Variants in CCDC7 observed in about 807,000 individuals in gnomAD.
The protein encoded by CCDC7 is coiled-coil domain containing 7.
CCDC7 carries 183 observed loss-of-function variants against 196.9 expected under a neutral mutation model. The observed-to-expected ratio is 0.93, with a 90% CI of 0.82 to 1.05. The LOEUF is 1.05. Ranked by LOEUF, CCDC7 falls within the 50% of genes least tolerant of loss-of-function variation. The pLI is 0.00. For missense variants in CCDC7, 1,540 were observed against 1,482.2 expected (o/e 1.04, Z -0.64); for synonymous variants, 525 against 484.6 (o/e 1.08, Z -1.10).
intron 28 of CCDC7, among the ~76,000 whole-genome samples, chr10:32,749,267 T>G (rs1270750728): frequency 6.6e-6 from 1 of 152,200 alleles, no homozygotes; most frequent in Admixed American, 6.5e-5. Context: ...TTTTTACATG[T>G]TAGACTGGAA....
At chr10:32,596,934 C>CTGTTT (rs2060436479) in intron 18 of CCDC7, among the ~76,000 whole-genome samples, 1 of 151,954 alleles carries the variant, frequency 6.6e-6, no homozygotes, top group African/African-American at 2.4e-5. Flanking sequence ...GGTAACCCGA[C>CTGTTT]CTTTCTGGCT....
chr10:32,825,776 C>T (rs906547578), intron 32 of CCDC7, among the ~76,000 whole-genome samples: 1 of 152,162 alleles, frequency 6.6e-6, no homozygotes, highest in Admixed American at 6.6e-5. Flanking sequence ...CATACACAAG[C>T]TCTTATCATG....
At position 32,714,606 on chromosome 10, in the gene CCDC7, A is replaced by T. The variant is rs191670502; in HGVS notation, c.2569+2876A>T. ...GCCAGGGAGCTGAGTGGTCTTCCTC[A>T]GTGGATCCCACCCTCACAGAGCCCA... On this transcript the variant is annotated intron_variant, in intron 25 of 41. Transcript: ENST00000639629. Among the ~76,000 whole-genome samples the T allele has an allele frequency of 1.6e-3, 242 of 152,288 alleles. 1 individual carries two copies. The highest frequency in any genetic ancestry group is 1.2e-3 in the Non-Finnish European group (81 of 68,030).
chr10:32,571,805 A>T (rs998856264), intron 15 of CCDC7, 54 bp from the exon 17 acceptor site: 10 of 1,456,404 alleles, frequency 6.9e-6, no homozygotes, highest in Non-Finnish European at 9.1e-6. Context: ...AATGACTGTA[A>T]ACATTTCATA....
chr10:32,461,900 T>C (rs1190204576), intron 3 of CCDC7, among the ~76,000 whole-genome samples: 5 of 151,566 alleles, frequency 3.3e-5, no homozygotes, highest in Non-Finnish European at 5.9e-5. Flanking sequence ...GCCTCCTGAA[T>C]AGCTGGGATT....
At chr10:32,661,679 A>G (rs1251515407) in intron 20 of CCDC7, among the ~76,000 whole-genome samples, 1 of 152,144 alleles carries the variant, frequency 6.6e-6, no homozygotes, top group Non-Finnish European at 1.5e-5. Context: ...TCATCCAGGA[A>G]CTAAGGCCTG....
At chr10:32,637,444 A>T (rs1256758288) in intron 20 of CCDC7, among the ~76,000 whole-genome samples, 1 of 152,232 alleles carries the variant, frequency 6.6e-6, no homozygotes, top group Admixed American at 6.5e-5. Flanking sequence ...AGCTTTCTCC[A>T]TATGGCTAGC....
chr10:32,480,020 T>G (rs542898410), intron 8 of CCDC7, among the ~76,000 whole-genome samples: 9 of 152,220 alleles, frequency 5.9e-5, no homozygotes, highest in Non-Finnish European at 1.2e-4. Context: ...GTCTTTATCC[T>G]TTGTATTTTT....
intron 23 of CCDC7, among the ~76,000 whole-genome samples, chr10:32,692,393 G>C (rs531161846): frequency 6.6e-6 from 1 of 152,314 alleles, no homozygotes; most frequent in East Asian, 1.9e-4. Flanking sequence ...TGTCAGAATT[G>C]AAAAGCTCAT....
chr10:32,863,732 C>T (rs1428816779), intron 41 of CCDC7, among the ~76,000 whole-genome samples: 3 of 151,756 alleles, frequency 2.0e-5, no homozygotes, highest in Admixed American at 1.3e-4. Context: ...TATCTTACAC[C>T]ATACACAAAA....
Position 32,628,486 on chromosome 10 carries a change from T to G in CCDC7, c.1802-5768T>G, listed in dbSNP as rs186650882. On this transcript the variant is annotated intron_variant, in intron 18 of 41. Transcript: ENST00000639629. ...TTTCATTGTTCTTTTGTATTGATTT[T>G]TAGTCTCTATTTCATTTATTTCTGC... 1.7e-3 allele frequency among the ~76,000 whole-genome samples: 253 copies of G among 152,126 alleles called. 2 individuals are homozygous for G. The highest frequency in any genetic ancestry group is 5.8e-3 in the African/African-American group (243 of 41,566).
chr10:32,549,744 G>T (rs1244998276), intron 13 of CCDC7, among the ~76,000 whole-genome samples: 4 of 152,078 alleles, frequency 2.6e-5, no homozygotes, highest in South Asian at 4.1e-4. Context: ...GTTTATTTCT[G>T]GGTTCTCTTT....
At chr10:32,702,597 T>G (rs2078947730) in intron 24 of CCDC7, among the ~76,000 whole-genome samples, 1 of 152,206 alleles carries the variant, frequency 6.6e-6, no homozygotes, top group Non-Finnish European at 1.5e-5. Context: ...GTCTCGTTGA[T>G]CTGTCTAATG....
intron 8 of CCDC7, among the ~76,000 whole-genome samples, chr10:32,487,334 C>T (rs1203222465): frequency 6.6e-6 from 1 of 152,166 alleles, no homozygotes; most frequent in Admixed American, 6.5e-5. Context: ...TTTTCAGCTC[C>T]ATCAGTCCTT....
chr10:32,499,338 A>G (rs2043481612), intron 9 of CCDC7: 1 of 152,158 alleles, frequency 6.6e-6, no homozygotes, highest in African/African-American at 2.4e-5. Context: ...TTGCAATTCT[A>G]GGAGACATCT....
chr10:32,496,360 T>C (rs1487587234), intron 9 of CCDC7, among the ~76,000 whole-genome samples: 2 of 152,220 alleles, frequency 1.3e-5, no homozygotes, highest in African/African-American at 4.8e-5. Context: ...CTTTTCCTAA[T>C]TGAATACACT....
At chr10:32,616,096 G>A (rs182695039) in intron 18 of CCDC7, among the ~76,000 whole-genome samples, 1 of 151,950 alleles carries the variant, frequency 6.6e-6, no homozygotes, top group Non-Finnish European at 1.5e-5. Flanking sequence ...GTAATGTGAT[G>A]CCTCCAGCTT....
chr10:32,859,448 T>C (rs1163825272), intron 41 of CCDC7, among the ~76,000 whole-genome samples: 1 of 152,074 alleles, frequency 6.6e-6, no homozygotes, highest in Admixed American at 6.6e-5. Context: ...TAGCACTAAA[T>C]GCCCACAAGA....
At chr10:32,453,258 C>A (rs973879834) in intron 1 of CCDC7, 86 bp from the exon 3 acceptor site, 51 of 1,010,736 alleles carry the variant, frequency 5.0e-5, no homozygotes, top group Admixed American at 4.1e-5. Context: ...AAGGTCCTGG[C>A]ATAATTGATT....
Sources: allele counts gnomAD v4.1 joint callset (sites outside exome capture counted in the v4.1 genomes callset), GRCh38; gene constraint gnomAD v4.1.1; transcripts MANE v1.5; gene names NCBI Gene and HGNC (gene_info 2026-07-23, HGNC 2026-07-21).